Variants in ADGRV1 observed in about 807,000 individuals in gnomAD.
ADGRV1 encodes the protein G-protein coupled receptor 98.
Under a neutral mutation model 596.2 loss-of-function variants are expected in ADGRV1, and 359 were observed. The observed-to-expected ratio is 0.60, with a 90% confidence interval of 0.55 to 0.66. The LOEUF (loss-of-function observed/expected upper bound fraction) is 0.66, where lower values mean the gene tolerates loss of function less well. Ranked by LOEUF, ADGRV1 falls within the 30% of genes least tolerant of loss-of-function variation. The probability of loss-of-function intolerance (pLI) is 0.00; values close to 1 mark genes in which losing one functional copy is unlikely to be tolerated. For missense variants in ADGRV1, 7,274 were observed against 7,575.6 expected, an observed-to-expected ratio of 0.96 and a Z score of 1.48; for synonymous variants, 2,681 against 2,679.2, an observed-to-expected ratio of 1.00 and a Z score of -0.02.
At chr5:90,744,213 C>T (rs563931600) in intron 50 of ADGRV1, among the ~76,000 whole-genome samples, 27 of 151,898 alleles carry the variant, frequency 1.8e-4, no homozygotes, top group African/African-American at 6.5e-4. Flanking sequence ...AACCCCTGGG[C>T]TCAAGCAATC....
At chr5:90,856,421 T>C (rs1257605956) in intron 82 of ADGRV1, among the ~76,000 whole-genome samples, 2 of 152,202 alleles carry the variant, frequency 1.3e-5, no homozygotes, top group Non-Finnish European at 2.9e-5. Context: ...CATCTAGGCC[T>C]CATATTTGGC....
intron 67 of ADGRV1, among the ~76,000 whole-genome samples, chr5:90,784,770 G>A (rs1177811562): frequency 1.3e-5 from 2 of 151,898 alleles, no homozygotes; most frequent in East Asian, 3.9e-4. Flanking sequence ...AAATAAAAGA[G>A]GACACAAACA....
At chr5:91,045,879 G>A (rs1453179614) in intron 85 of ADGRV1, among the ~76,000 whole-genome samples, 2 of 152,024 alleles carry the variant, frequency 1.3e-5, no homozygotes, top group African/African-American at 4.8e-5. Context: ...TACACCAACA[G>A]CGACCAAGCT....
chr5:90,621,862 T>G (rs184712622), intron 4 of ADGRV1, among the ~76,000 whole-genome samples: 3 of 152,348 alleles, frequency 2.0e-5, no homozygotes, highest in Non-Finnish European at 2.9e-5. Context: ...ACATTTACTG[T>G]GCCCTCAGTA....
chr5:91,050,724 G>A (rs1011169442), intron 85 of ADGRV1, among the ~76,000 whole-genome samples: 11 of 152,106 alleles, frequency 7.2e-5, no homozygotes, highest in African/African-American at 2.7e-4. Flanking sequence ...GCCAGGCATG[G>A]TGGTGTGTGC....
intron 87 of ADGRV1, among the ~76,000 whole-genome samples, chr5:91,124,676 T>C (rs1793599970): frequency 6.6e-6 from 1 of 152,158 alleles, no homozygotes; most frequent in African/African-American, 2.4e-5. Context: ...AAAGCAAACT[T>C]CCTGGTAAAA....
intron 87 of ADGRV1, among the ~76,000 whole-genome samples, chr5:91,133,655 T>TA (rs1201067420): frequency 1.3e-5 from 2 of 152,208 alleles, no homozygotes; most frequent in Non-Finnish European, 2.9e-5. Context: ...AAGACTCTGA[T>TA]ATAGTGTGTG....
chr5:91,030,241 C>A (rs75598562), intron 85 of ADGRV1, among the ~76,000 whole-genome samples: 2 of 151,860 alleles, frequency 1.3e-5, no homozygotes, highest in African/African-American at 2.4e-5. Context: ...TTAGATAAAC[C>A]CTTTATTTTA....
chr5:90,561,948 T>C (rs1455486492), intron 1 of ADGRV1, among the ~76,000 whole-genome samples: 1 of 134,550 alleles, frequency 7.4e-6, no homozygotes, highest in Non-Finnish European at 1.5e-5. Context: ...TGGAAATAAC[T>C]TTTTTTTCTG....
intron 35 of ADGRV1, 91 bp downstream of exon 35, chr5:90,703,886 TATTA>T (rs1472602007): frequency 1.1e-5 from 10 of 906,290 alleles, no homozygotes; most frequent in Non-Finnish European, 1.7e-5. Context: ...CTATTGTAGT[TATTA>T]TCTTTCTCTC....
At chr5:90,921,148 T>C (rs2150738563) in intron 83 of ADGRV1, among the ~76,000 whole-genome samples, 1 of 152,360 alleles carries the variant, frequency 6.6e-6, no homozygotes, top group South Asian at 2.1e-4. Flanking sequence ...ATCACATGCA[T>C]TTTAAATATT....
chr5:91,002,358 C>T (rs1781919366), intron 85 of ADGRV1, among the ~76,000 whole-genome samples: 1 of 152,058 alleles, frequency 6.6e-6, no homozygotes, highest in Non-Finnish European at 1.5e-5. Context: ...TGACTTTATC[C>T]CATGCATCTG....
chr5:90,671,026 A>G (rs183766000), intron 21 of ADGRV1, among the ~76,000 whole-genome samples: 91 of 152,320 alleles, frequency 6.0e-4, no homozygotes, highest in Non-Finnish European at 9.3e-4. Context: ...TGGCCTCACC[A>G]TATACCATGT....
At chr5:90,938,261 A>C (rs1561971323) in intron 83 of ADGRV1, among the ~76,000 whole-genome samples, 1 of 152,234 alleles carries the variant, frequency 6.6e-6, no homozygotes, top group East Asian at 1.9e-4. Flanking sequence ...AATTAGGACA[A>C]AAGCAACCTT....
At chr5:90,965,965 G>C (rs562486075) in intron 84 of ADGRV1, among the ~76,000 whole-genome samples, 175 of 152,174 alleles carry the variant, frequency 1.1e-3, no homozygotes, top group Non-Finnish European at 1.7e-3. Flanking sequence ...CTGTATTCAT[G>C]GGGAAATCAT....
intron 83 of ADGRV1, among the ~76,000 whole-genome samples, chr5:90,936,685 A>C (rs1401225381): frequency 6.6e-6 from 1 of 152,064 alleles, no homozygotes; most frequent in Non-Finnish European, 1.5e-5. Context: ...ATTTACCTTT[A>C]AGTATCACCG....
chr5:91,132,219 T>C (rs2126802086), intron 87 of ADGRV1, among the ~76,000 whole-genome samples: 1 of 152,356 alleles, frequency 6.6e-6, no homozygotes. Flanking sequence ...TTTTTTTCTG[T>C]ATAGAACAAA....
At position 91,150,144 on chromosome 5, in the gene ADGRV1, A is replaced by G; in HGVS notation, c.18547A>G (p.Thr6183Ala). The G allele has an allele frequency of 6.3e-7, 1 of 1,589,440 alleles. No homozygotes were observed. Among genetic ancestry groups the G allele is most frequent in the Non-Finnish European group, 8.5e-7 (1 of 1,170,168 alleles). ...TCCTGGACCCAGCACAGCCTTTTTC[A>G]CGCCCGGGAGTGGAATGCCTCCTGC... ...GHPGPSTAFF[T>A]PGSGMPPAGG... The change falls in exon 88 of 90, where the codon ACG becomes GCG. Residue 6183 changes from threonine (T) to alanine (A), a missense_variant. By Grantham distance (58) the Thr-to-Ala change is moderately conservative (BLOSUM62 0). Coordinates refer to ENST00000405460, the MANE Select transcript of ADGRV1 (RefSeq NM_032119.4).
intron 85 of ADGRV1, among the ~76,000 whole-genome samples, chr5:91,004,002 A>G (rs180920314): frequency 3.3e-4 from 50 of 152,304 alleles, no homozygotes; most frequent in Non-Finnish European, 6.9e-4. Context: ...CATTTAAAGT[A>G]TACATTCAGA....
Sources: allele counts gnomAD v4.1 joint callset (sites outside exome capture counted in the v4.1 genomes callset), GRCh38; gene constraint gnomAD v4.1.1; transcripts MANE v1.5; gene names NCBI Gene and HGNC (gene_info 2026-07-23, HGNC 2026-07-21).